The following INPP4B variants were observed in gnomAD, a reference collection of about 807,000 sequenced individuals.
INPP4B encodes the protein inositol polyphosphate 4-phosphatase type II.
Under a neutral mutation model 122.5 loss-of-function variants are expected in INPP4B, and 55 were observed. The observed-to-expected ratio is 0.45, with a 90% CI of 0.36 to 0.56. The LOEUF (loss-of-function observed/expected upper bound fraction) is 0.56. Among genes scored for constraint, INPP4B ranks in the 20% least tolerant of loss-of-function variants. The pLI is 0.00. For synonymous variants in INPP4B, 403 were observed against 388.7 expected (o/e 1.04, Z -0.43); for missense variants, 1,000 against 1,097.7 (o/e 0.91, Z 1.26).
In INPP4B at chr4:142,263,680, A is replaced by ATATATATATATATATATATATATG. The variant is rs61694410; in HGVS notation, c.616-3117_616-3116insCATATATATATATATATATATATA. Reference sequence around the variant, plus strand: ...TATATATATATATATATATATATATAACATTGAACAATGACAAGTACTAAT... The same window carrying ATATATATATATATATATATATATG: ...TATATATATATATATATATATATATATATATATATATATATATATATATGACATTGAACAATGACAAGTACTAAT... On this transcript the variant is annotated intron_variant, in intron 10 of 25. Transcript: ENST00000262992. Among the ~76,000 whole-genome samples the ATATATATATATATATATATATATG allele has an allele frequency of 8.5e-5, 7 of 81,970 alleles. 1 individual carries two copies. The highest frequency in any genetic ancestry group is 1.4e-4 in the Admixed American group (1 of 6,932). The allele number at this position is 81,970 out of a possible 152,430, so 53.8% of individuals were successfully genotyped here. A position where few individuals can be genotyped will look rare whatever the true frequency, so the allele number is the denominator to read the frequency against.
At chr4:142,215,893 A>AG (rs1846997756) in intron 12 of INPP4B, among the ~76,000 whole-genome samples, 1 of 12,532 alleles carries the variant, frequency 8.0e-5, no homozygotes, top group Admixed American at 9.1e-4. Context: ...ACTCTGTCTC[A>AG]AAAAAAAAAA....
chr4:142,822,356 G>A (rs1196161104), intron 1 of INPP4B, among the ~76,000 whole-genome samples: 2 of 152,094 alleles, frequency 1.3e-5, no homozygotes, highest in Non-Finnish European at 2.9e-5. Flanking sequence ...CTTAAAGCAG[G>A]GGTTCCCAGC....
intron 5 of INPP4B, among the ~76,000 whole-genome samples, chr4:142,415,550 T>C (rs889135733): frequency 6.6e-6 from 1 of 152,016 alleles, no homozygotes; most frequent in African/African-American, 2.4e-5. Context: ...TTTACACTGT[T>C]GGTGGGACTG....
chr4:142,416,068 G>A (rs1805694276), intron 5 of INPP4B, among the ~76,000 whole-genome samples: 1 of 152,028 alleles, frequency 6.6e-6, no homozygotes, highest in Non-Finnish European at 1.5e-5. Flanking sequence ...ATGAGTTAAT[G>A]GGTGCAGCAC....
intron 7 of INPP4B, among the ~76,000 whole-genome samples, chr4:142,383,020 G>T (rs1195029870): frequency 6.6e-6 from 1 of 151,754 alleles, no homozygotes; most frequent in Admixed American, 6.6e-5. Flanking sequence ...AGTAAGTGTG[G>T]CCATGAGATT....
rs1299667910 is a variant in INPP4B, at chr4:142,027,593, T to C, written c.*1189A>G. On this transcript the variant is annotated 3_prime_UTR_variant, in exon 26 of 26. Coordinates refer to ENST00000262992, the MANE Select transcript of INPP4B (RefSeq NM_001101669.3). The stretch of plus-strand genomic sequence containing the variant: ...TATTTAGCATGGCAATTTGGAGAAG[T>C]GACAAGCCACAGGCTAGGAAAGTAA... The C allele has an allele frequency of 6.6e-6, 1 of 152,188 alleles. No individual in the cohort carries two copies. Among genetic ancestry groups the C allele is most frequent in the East Asian group, 1.9e-4 (1 of 5,194 alleles). 9.4% of individuals were successfully genotyped at this position (152,188 alleles called of 1,614,324 possible). A position where few individuals can be genotyped will look rare whatever the true frequency, so the allele number is the denominator to read the frequency against.
chr4:142,068,639 C>T (rs1308339253), intron 25 of INPP4B, among the ~76,000 whole-genome samples: 1 of 152,070 alleles, frequency 6.6e-6, no homozygotes, highest in South Asian at 2.1e-4. Flanking sequence ...GGAGAAAGAT[C>T]TACCAAGCAA....
chr4:142,441,905 A>G (rs1811810076), intron 3 of INPP4B, among the ~76,000 whole-genome samples: 2 of 151,786 alleles, frequency 1.3e-5, no homozygotes, highest in African/African-American at 4.8e-5. Context: ...GAGAAATAGA[A>G]TTGAACATTA....
rs146033542 is a variant in INPP4B at position 142,143,830 on chromosome 4, A to G, written c.1720+2010T>C. 2.4e-4 allele frequency among the ~76,000 whole-genome samples: 37 copies of G among 152,212 alleles called. No homozygotes were observed. The East Asian group carries it at 7.1e-3, about 29-fold the overall frequency. On this transcript the variant is annotated intron_variant, in intron 18 of 25. Coordinates refer to ENST00000262992, the MANE Select transcript of INPP4B (RefSeq NM_001101669.3). Reference sequence around the variant, plus strand: ...GGCTTCTATTTTGATGAATTCGTTTACAGTCATTATAATACGCGTTCTGGA... The same window carrying G: ...GGCTTCTATTTTGATGAATTCGTTTGCAGTCATTATAATACGCGTTCTGGA...
intron 11 of INPP4B, among the ~76,000 whole-genome samples, chr4:142,252,407 C>T (rs1311765074): frequency 6.6e-6 from 1 of 151,926 alleles, no homozygotes; most frequent in East Asian, 1.9e-4. Flanking sequence ...CCAGGATGGT[C>T]TCGATCTCCT....
intron 2 of INPP4B, among the ~76,000 whole-genome samples, chr4:142,637,254 G>A (rs1749359940): frequency 6.6e-6 from 1 of 152,016 alleles, no homozygotes; most frequent in African/African-American, 2.4e-5. Flanking sequence ...TATTCTATGG[G>A]TTTTGACATA....
chr4:142,473,570 A>G (rs1819275888), intron 2 of INPP4B, among the ~76,000 whole-genome samples: 1 of 152,204 alleles, frequency 6.6e-6, no homozygotes, highest in Non-Finnish European at 1.5e-5. Flanking sequence ...CTTTGGCCCC[A>G]GAGCAGACCA....
intron 2 of INPP4B, among the ~76,000 whole-genome samples, chr4:142,499,934 C>T (rs1347332094): frequency 1.3e-5 from 2 of 152,128 alleles, no homozygotes; most frequent in South Asian, 2.1e-4. Flanking sequence ...ATACAACCGT[C>T]GCTGAAAACA....
intron 3 of INPP4B, among the ~76,000 whole-genome samples, chr4:142,448,877 G>A (rs527931957): frequency 5.9e-5 from 9 of 152,216 alleles, no homozygotes; most frequent in African/African-American, 2.2e-4. Flanking sequence ...GGCAAATTCT[G>A]TATTTTACCT....
chr4:142,616,938 G>T (rs546670360), intron 2 of INPP4B, among the ~76,000 whole-genome samples: 1 of 152,188 alleles, frequency 6.6e-6, no homozygotes, highest in Admixed American at 6.5e-5. Context: ...GACTCCTAAA[G>T]GTGGGGAGGG....
chr4:142,057,742 A>G (rs894538971), intron 25 of INPP4B, among the ~76,000 whole-genome samples: 2 of 152,074 alleles, frequency 1.3e-5, no homozygotes, highest in Non-Finnish European at 2.9e-5. Context: ...ACTCCTTAAA[A>G]CTTTCTGCAT....
intron 11 of INPP4B, among the ~76,000 whole-genome samples, chr4:142,254,301 C>T (rs1734367073): frequency 7.0e-6 from 1 of 142,680 alleles, no homozygotes; most frequent in African/African-American, 2.5e-5. Context: ...GAGCGCCTCT[C>T]CTCCTCCAAA....
chr4:142,105,110 C>T (rs77297651), intron 23 of INPP4B, among the ~76,000 whole-genome samples: 3,296 of 152,142 alleles, frequency 0.022, 123 homozygotes, highest in African/African-American at 0.075. Flanking sequence ...CCATGAATTC[C>T]GCAAAAGAAA....
At chr4:142,563,666 T>G (rs1730939657) in intron 2 of INPP4B, among the ~76,000 whole-genome samples, 1 of 152,182 alleles carries the variant, frequency 6.6e-6, no homozygotes, top group African/African-American at 2.4e-5. Context: ...TTTGGGGTGG[T>G]GTTGGGACTT....
Sources: allele counts gnomAD v4.1 joint callset (sites outside exome capture counted in the v4.1 genomes callset), GRCh38; gene constraint gnomAD v4.1.1; transcripts MANE v1.5; gene names NCBI Gene and HGNC (gene_info 2026-07-23, HGNC 2026-07-21).